The following TMEM117 variants were observed in gnomAD, a reference collection of about 807,000 sequenced individuals.
TMEM117 encodes the protein transmembrane protein 117.
Under a neutral mutation model 52.4 loss-of-function variants are expected in TMEM117, and 27 were observed. That is an observed-to-expected ratio of 0.51 (90% CI 0.38 to 0.71). The LOEUF is 0.71. TMEM117 is among the 30% of genes least tolerant of loss of function. The probability of loss-of-function intolerance (pLI) is 0.00; values close to 1 mark genes in which losing one functional copy is unlikely to be tolerated. For missense variants in TMEM117, 556 were observed against 630.5 expected (o/e 0.88, Z 1.26); for synonymous variants, 215 against 206.3 (o/e 1.04, Z -0.36).
chr12:44,129,285 T>C (rs566612912), intron 3 of TMEM117, among the ~76,000 whole-genome samples: 2 of 152,316 alleles, frequency 1.3e-5, no homozygotes, highest in South Asian at 4.1e-4. Context: ...GCCATCCACT[T>C]TCCCCACAGT....
chr12:43,993,658 T>A (rs544607078), intron 3 of TMEM117, among the ~76,000 whole-genome samples: 2 of 152,300 alleles, frequency 1.3e-5, no homozygotes, highest in Non-Finnish European at 2.9e-5. Context: ...ATTGTTTATA[T>A]TAAATTAAAA....
At chr12:44,217,867 A>G (rs1297923368) in intron 5 of TMEM117, among the ~76,000 whole-genome samples, 1 of 152,160 alleles carries the variant, frequency 6.6e-6, no homozygotes, top group Admixed American at 6.5e-5. Flanking sequence ...CCTTCTGGGA[A>G]TGTAATATGG....
chr12:44,154,681 G>GA (rs573997527), intron 4 of TMEM117, among the ~76,000 whole-genome samples: 7 of 144,768 alleles, frequency 4.8e-5, no homozygotes, highest in African/African-American at 5.1e-5. Context: ...TTGCAGGTTT[G>GA]AAAAAAAAAG....
chr12:44,235,034 A>G (rs1038740017), intron 5 of TMEM117, among the ~76,000 whole-genome samples: 2 of 151,632 alleles, frequency 1.3e-5, no homozygotes, highest in African/African-American at 4.8e-5. Context: ...TGAGAGCTAC[A>G]TGTAAGTGTA....
At chr12:44,231,802 T>C (rs1222126956) in intron 5 of TMEM117, among the ~76,000 whole-genome samples, 1 of 151,816 alleles carries the variant, frequency 6.6e-6, no homozygotes, top group Admixed American at 6.6e-5. Context: ...ATTTTCATAA[T>C]AGAAGAGTTT....
chr12:44,081,485 C>T (rs1947480313), intron 3 of TMEM117, among the ~76,000 whole-genome samples: 1 of 152,084 alleles, frequency 6.6e-6, no homozygotes, highest in Non-Finnish European at 1.5e-5. Flanking sequence ...CAATTATTCA[C>T]ACTGAGAGAC....
At chr12:43,893,404 G>A (rs1242116006) in intron 2 of TMEM117, among the ~76,000 whole-genome samples, 1 of 152,198 alleles carries the variant, frequency 6.6e-6, no homozygotes, top group Non-Finnish European at 1.5e-5. Context: ...AAATCACTCA[G>A]TTGGCTACAG....
At chr12:44,093,403 G>A (rs1490985512) in intron 3 of TMEM117, among the ~76,000 whole-genome samples, 1 of 152,016 alleles carries the variant, frequency 6.6e-6, no homozygotes, top group African/African-American at 2.4e-5. Flanking sequence ...TTTTTAACCT[G>A]TTTTGCGTAT....
chr12:44,156,601 T>C (rs1451360927), intron 4 of TMEM117, among the ~76,000 whole-genome samples: 1 of 152,040 alleles, frequency 6.6e-6, no homozygotes, highest in Non-Finnish European at 1.5e-5. Context: ...GCAGGGACTG[T>C]TTCTCTAAGG....
chr12:43,917,479 T>C (rs899093548), intron 2 of TMEM117, among the ~76,000 whole-genome samples: 1 of 152,148 alleles, frequency 6.6e-6, no homozygotes, highest in Non-Finnish European at 1.5e-5. Flanking sequence ...TTACTATTAT[T>C]ACCCTCATTT....
At chr12:44,192,894 T>C (rs1949373431) in intron 4 of TMEM117, among the ~76,000 whole-genome samples, 1 of 152,176 alleles carries the variant, frequency 6.6e-6, no homozygotes, top group African/African-American at 2.4e-5. Context: ...GTTAATTAGT[T>C]GTCAATAAAT....
chr12:44,210,842 G>A (rs191364307), intron 4 of TMEM117, among the ~76,000 whole-genome samples: 6 of 152,174 alleles, frequency 3.9e-5, no homozygotes, highest in African/African-American at 1.4e-4. Context: ...AACTGGGTAC[G>A]AGTACTTTAC....
intron 3 of TMEM117, among the ~76,000 whole-genome samples, chr12:44,032,683 T>C (rs73089709): frequency 0.063 from 9,594 of 152,308 alleles, 476 homozygotes; most frequent in African/African-American, 0.13. Flanking sequence ...TGTAAACACT[T>C]ACTAATCTTT....
intron 3 of TMEM117, among the ~76,000 whole-genome samples, chr12:43,949,433 T>G (rs541155415): frequency 1.3e-5 from 2 of 152,334 alleles, no homozygotes; most frequent in East Asian, 3.9e-4. Context: ...TGCAGTGTGT[T>G]TACTGAAGTT....
intron 2 of TMEM117, among the ~76,000 whole-genome samples, chr12:43,934,153 C>T (rs1826782410): frequency 6.6e-6 from 1 of 152,004 alleles, no homozygotes; most frequent in Non-Finnish European, 1.5e-5. Flanking sequence ...TATATGTATG[C>T]ATAAATTAAG....
At chr12:44,017,520 G>A (rs1946391816) in intron 3 of TMEM117, among the ~76,000 whole-genome samples, 1 of 151,998 alleles carries the variant, frequency 6.6e-6, no homozygotes, top group South Asian at 2.1e-4. Context: ...AAATAGATTT[G>A]TGTATTCTGA....
chr12:43,806,005 G>A, the TMEM117 span: 8 of 1,527,142 alleles, frequency 5.2e-6, no homozygotes, highest in Non-Finnish European at 7.0e-6. Flanking sequence ...GGATCAATCT[G>A]CAACGTGACG....
At chr12:43,820,242 C>T in the TMEM117 span, among the ~76,000 whole-genome samples, 1 of 152,102 alleles carries the variant, frequency 6.6e-6, no homozygotes, top group Admixed American at 6.5e-5. Context: ...GGACTACAGG[C>T]GTGCGCCACC....
At chr12:44,021,739 C>A (rs1200650712) in intron 3 of TMEM117, among the ~76,000 whole-genome samples, 1 of 152,152 alleles carries the variant, frequency 6.6e-6, no homozygotes, top group Non-Finnish European at 1.5e-5. Context: ...TGCTGAATGC[C>A]CTAACATAGG....
Sources: allele counts gnomAD v4.1 joint callset (sites outside exome capture counted in the v4.1 genomes callset), GRCh38; gene constraint gnomAD v4.1.1; transcripts MANE v1.5; gene names NCBI Gene and HGNC (gene_info 2026-07-23, HGNC 2026-07-21).